The following NUP205 variants were observed in gnomAD, a reference collection of about 807,000 sequenced individuals.
NUP205 encodes the protein nucleoporin 205.
Under a neutral mutation model 253.8 loss-of-function variants are expected in NUP205, and 76 were observed. That is an observed-to-expected ratio of 0.30 (90% CI 0.25 to 0.36). The LOEUF (loss-of-function observed/expected upper bound fraction) is 0.36, where lower values mean the gene tolerates loss of function less well. Among genes scored for constraint, NUP205 ranks in the 10% least tolerant of loss-of-function variants. The pLI is 1.00. For synonymous variants in NUP205, 832 were observed against 850.1 expected (o/e 0.98, Z 0.37); for missense variants, 2,162 against 2,425.5 (o/e 0.89, Z 2.28).
intron 1 of NUP205, among the ~76,000 whole-genome samples, chr7:135,560,622 C>CAT (rs1805557599): frequency 6.6e-6 from 1 of 152,106 alleles, no homozygotes; most frequent in South Asian, 2.1e-4. Context: ...CGTATACATG[C>CAT]ATATATATAG....
At chr7:135,629,505 CTCTCTG>C (rs1794662967) in intron 34 of NUP205, among the ~76,000 whole-genome samples, 1 of 136,500 alleles carries the variant, frequency 7.3e-6, no homozygotes, top group African/African-American at 2.8e-5. Flanking sequence ...CTCTCTCTCT[CTCTCTG>C]TCTCTCTCTC....
intron 35 of NUP205, among the ~76,000 whole-genome samples, chr7:135,633,723 G>C (rs1027541765): frequency 6.6e-6 from 1 of 152,138 alleles, no homozygotes; most frequent in African/African-American, 2.4e-5. Context: ...GATTACAGGC[G>C]TGAGCCACTG....
At chr7:135,567,755 C>G (rs1805825450) in intron 1 of NUP205, among the ~76,000 whole-genome samples, 1 of 152,058 alleles carries the variant, frequency 6.6e-6, no homozygotes, top group Non-Finnish European at 1.5e-5. Flanking sequence ...AACAGTTTAC[C>G]CTGTTTACAG....
intron 14 of NUP205, chr7:135,597,728 C>G (rs1793876001): frequency 2.2e-6 from 1 of 452,600 alleles, no homozygotes; most frequent in Non-Finnish European, 3.9e-6. Context: ...TCTTTTCTCT[C>G]TAATTCTCCC....
At chr7:135,562,783 A>T (rs1474092990) in intron 1 of NUP205, among the ~76,000 whole-genome samples, 1 of 151,744 alleles carries the variant, frequency 6.6e-6, no homozygotes, top group East Asian at 1.9e-4. Flanking sequence ...CTGACCTCGT[A>T]TCTGCCCGCC....
intron 1 of NUP205, among the ~76,000 whole-genome samples, chr7:135,560,721 A>G (rs1356874756): frequency 6.6e-6 from 1 of 152,240 alleles, no homozygotes. Flanking sequence ...GAAATAAGCC[A>G]GTCACAAGAC....
At chr7:135,618,627 T>TAAA in intron 28 of NUP205, 24 bp downstream of exon 28, 1 of 1,522,420 alleles carries the variant, frequency 6.6e-7, no homozygotes, top group Admixed American at 2.0e-5. Context: ...TAAAATACTT[T>TAAA]ATACTGCTGA....
chr7:135,571,257 T>C lies in NUP205; in HGVS notation c.171+10T>C, dbSNP rs759697860. On this transcript the variant is annotated intron_variant, in intron 2 of 42. Transcript: ENST00000285968. ...ATTGTTCAAAAATCCGGTAAGAAAT[T>C]TTCTTTTTCAGTTTTTTTGGGATTT... The C allele has an allele frequency of 1.4e-6, 2 of 1,401,574 alleles. No individual in the cohort carries two copies. The highest frequency in any genetic ancestry group is 1.9e-6 in the Non-Finnish European group (2 of 1,069,566). The allele number at this position is 1,401,574 out of a possible 1,614,324, so 86.8% of individuals were successfully genotyped here. A position where few individuals can be genotyped will look rare whatever the true frequency, so the allele number is the denominator to read the frequency against.
At position 135,616,729 on chromosome 7, in the gene NUP205, AATGCCCT is replaced by A. The variant is rs764621566; in HGVS notation, c.3532+4_3532+10del. ...TCACTTTGACACTGCTACAAAAGGT[AATGCCCT>A]TTGAATTTGTAATAAATTTATTTTA... On this transcript the variant is annotated splice_donor_5th_base_variant and intron_variant, in intron 25 of 42. Coordinates refer to ENST00000285968, the MANE Select transcript of NUP205 (RefSeq NM_015135.3). 1.3e-6 allele frequency: 2 copies of A among 1,512,458 alleles called. No homozygotes were observed. The highest frequency in any genetic ancestry group is 2.8e-5 in the African/African-American group (2 of 70,760). 93.7% of individuals were successfully genotyped at this position (1,512,458 alleles called of 1,614,324 possible).
chr7:135,623,210 C>G (rs866393776), intron 31 of NUP205, among the ~76,000 whole-genome samples: 40 of 152,254 alleles, frequency 2.6e-4, no homozygotes, highest in African/African-American at 9.4e-4. Flanking sequence ...GCCCAGGAGG[C>G]AGAGGTTGCT....
At chr7:135,625,067 T>G in intron 31 of NUP205, 97 bp from the exon 32 acceptor site, 1 of 969,608 alleles carries the variant, frequency 1.0e-6, no homozygotes, top group Non-Finnish European at 1.5e-6. Context: ...TGAAAAACAT[T>G]CTTCATATTT....
Position 135,576,362 on chromosome 7 carries a change from T to C in NUP205, c.436T>C (p.Leu146=). The change falls in exon 4 of 43, where the codon TTG becomes CTG. Residue 146 remains leucine, a synonymous_variant. Transcript: ENST00000285968. ...WDGKRCIANS[L]KALIQSRRGK... is the part of the protein sequence containing the mutation. ...TGGAAAGCGATGCATTGCGAATTCC[T>C]TGAAAGCCTTGATACAGTCTAGACG... is the stretch of plus-strand genomic sequence containing the variant. The C allele has an allele frequency of 6.2e-7, 1 of 1,613,946 alleles. No homozygotes were observed. Among genetic ancestry groups the C allele is most frequent in the South Asian group, 1.1e-5 (1 of 91,068 alleles).
In NUP205 at chr7:135,577,043, C is replaced by T. The variant is rs139142793; in HGVS notation, c.563C>T (p.Thr188Met). Residue 188 changes from threonine (T) to methionine (M), a missense_variant, in exon 5 of 43, where the codon ACG (threonine) becomes ATG (methionine). This residue lies in a region of NUP205 where 892 missense variants were observed against 957.1 expected (regional missense o/e 0.93). Transcript: ENST00000285968. ...CAAGGATTGACTTATAAAGTTCTTACGCTGGTGTCACAGATTGATGTGAAT... is the reference window on the plus strand; with the variant it reads ...CAAGGATTGACTTATAAAGTTCTTATGCTGGTGTCACAGATTGATGTGAAT... Reference protein sequence around the residue: ...MEQGLTYKVLTLVSQIDVNNE... With the variant: ...MEQGLTYKVLMLVSQIDVNNE... 30 of 1,613,856 alleles carry T rather than the reference C, an allele frequency of 1.9e-5. No individual in the cohort carries two copies. Among genetic ancestry groups the T allele is most frequent in the African/African-American group, 2.7e-5 (2 of 74,910 alleles).
At chr7:135,603,202 G>C (rs1794001969) in intron 18 of NUP205, among the ~76,000 whole-genome samples, 2 of 141,854 alleles carry the variant, frequency 1.4e-5, no homozygotes, top group Non-Finnish European at 3.0e-5. Flanking sequence ...TGCAAGCTCT[G>C]CCTCCTGGAT....
Position 135,604,324 on chromosome 7 carries a change from T to C in NUP205, c.2703-16T>C. The stretch of plus-strand genomic sequence containing the variant: ...AATTTTATCACTGTTCCTCAAATGT[T>C]TTCTTTTCTTTAAAGATACCTATAT... On this transcript the variant is annotated splice_polypyrimidine_tract_variant and intron_variant, in intron 18 of 42. Transcript: ENST00000285968. 6.3e-7 allele frequency: 1 copy of C among 1,580,498 alleles called. No individual in the cohort carries two copies. The highest frequency in any genetic ancestry group is 8.5e-7 in the Non-Finnish European group (1 of 1,170,146).
intron 33 of NUP205, among the ~76,000 whole-genome samples, chr7:135,627,570 A>G (rs1382721104): frequency 3.3e-5 from 5 of 152,194 alleles, no homozygotes; most frequent in Non-Finnish European, 5.9e-5. Flanking sequence ...ACCCTATACA[A>G]TGGGCAGCAT....
In NUP205 at chr7:135,587,055, G is replaced by GT. The variant is rs541860736; in HGVS notation, c.1219-506dup. 4.8e-3 allele frequency among the ~76,000 whole-genome samples: 680 copies of GT among 141,152 alleles called. 4 individuals are homozygous for GT. The highest frequency in any genetic ancestry group is 8.4e-3 in the African/African-American group (324 of 38,760). 92.6% of individuals were successfully genotyped at this position (141,152 alleles called of 152,430 possible). ...TGTAATTGTGGATTTGTCTAGCTATGTTTTTTTTTTTTTTAACAGAATTTG... is the reference window on the plus strand; with the variant it reads ...TGTAATTGTGGATTTGTCTAGCTATGTTTTTTTTTTTTTTTAACAGAATTTG... On this transcript the variant is annotated intron_variant, in intron 8 of 42. Coordinates refer to ENST00000285968, the MANE Select transcript of NUP205 (RefSeq NM_015135.3).
intron 26 of NUP205, 83 bp downstream of exon 26, chr7:135,617,330 T>C: frequency 7.6e-7 from 1 of 1,318,540 alleles, no homozygotes; most frequent in South Asian, 1.4e-5. Flanking sequence ...ACCATATAGG[T>C]TTTCTTTCTG....
At chr7:135,611,347 T>G (rs1253014866) in intron 22 of NUP205, among the ~76,000 whole-genome samples, 2 of 152,116 alleles carry the variant, frequency 1.3e-5, no homozygotes, top group Non-Finnish European at 2.9e-5. Context: ...CTTGTTAGAG[T>G]ATCTTCTTGT....
Sources: allele counts gnomAD v4.1 joint callset (sites outside exome capture counted in the v4.1 genomes callset), GRCh38; gene constraint gnomAD v4.1.1; regional missense constraint gnomAD v4.1.1; transcripts MANE v1.5; gene names NCBI Gene and HGNC (gene_info 2026-07-23, HGNC 2026-07-21).